The following AGAP1 variants were observed in gnomAD, a reference collection of about 807,000 sequenced individuals.
AGAP1 encodes arf-GAP with GTPase, ANK repeat and PH domain-containing protein 1.
In AGAP1, 29 loss-of-function variants were observed where a neutral mutation model predicts 105.3. That is an observed-to-expected ratio of 0.28 (90% CI 0.21 to 0.38). AGAP1 has a LOEUF of 0.38. AGAP1 is among the 10% of genes least tolerant of loss of function. The probability of loss-of-function intolerance (pLI) is 1.00; values close to 1 mark genes in which losing one functional copy is unlikely to be tolerated. For synonymous variants in AGAP1, 509 were observed against 485.9 expected, an observed-to-expected ratio of 1.05 and a Z score of -0.63; for missense variants, 998 against 1,165.1, an observed-to-expected ratio of 0.86 and a Z score of 2.09.
chr2:236,019,145 A>C (rs552968543), intron 13 of AGAP1, among the ~76,000 whole-genome samples: 1 of 152,174 alleles, frequency 6.6e-6, no homozygotes, highest in African/African-American at 2.4e-5. Context: ...TAAACAAATT[A>C]CAGGCCCACA....
In AGAP1 at chr2:235,743,748, A is replaced by G. The variant is rs561133250; in HGVS notation, c.397-950A>G. Among the ~76,000 whole-genome samples the G allele has an allele frequency of 5.3e-5, 8 of 152,344 alleles. 1 individual carries two copies. In the South Asian group the frequency reaches 1.7e-3, roughly 32 times the overall value. ...GGCCATAAAAACCTATCTAGGAACT[A>G]CAGCTTCTTTTAGGGAAAGCAGACG... On this transcript the variant is annotated intron_variant, in intron 4 of 17. Coordinates refer to ENST00000304032, the MANE Select transcript of AGAP1 (RefSeq NM_001037131.3).
In AGAP1 at chr2:236,124,364, C is replaced by CACAGG; in HGVS notation, c.*244_*248dup. On this transcript the variant is annotated 3_prime_UTR_variant, in exon 18 of 18. Coordinates refer to ENST00000304032, the MANE Select transcript of AGAP1 (RefSeq NM_001037131.3). This position sits in a 1 kb window ranked among gnomAD's most constrained non-coding sequence, Gnocchi z 5.1. ...TTTTCATAAACTCCCCTAAACCACA[C>CACAGG]ACAGGAGAGAGCGACGGGCCTCGGC... The CACAGG allele has an allele frequency of 1.7e-6, 1 of 575,500 alleles. No homozygotes were observed. The highest frequency in any genetic ancestry group is 3.1e-6 in the Non-Finnish European group (1 of 322,460). The allele number at this position is 575,500 out of a possible 1,614,324, so 35.6% of individuals were successfully genotyped here.
intron 1 of AGAP1, among the ~76,000 whole-genome samples, chr2:235,541,537 G>A (rs1473352109): frequency 6.6e-6 from 1 of 151,708 alleles, no homozygotes; most frequent in African/African-American, 2.4e-5. Flanking sequence ...ACAGGCGCCC[G>A]CCACCGTGCC....
chr2:236,052,060 C>T (rs1355023575), intron 16 of AGAP1, among the ~76,000 whole-genome samples: 1 of 152,152 alleles, frequency 6.6e-6, no homozygotes, highest in Non-Finnish European at 1.5e-5. Flanking sequence ...CCCTCCTGGT[C>T]TCTCTGCAGA....
chr2:235,925,442 C>T (rs78087228), intron 11 of AGAP1, among the ~76,000 whole-genome samples: 1 of 152,124 alleles, frequency 6.6e-6, no homozygotes. Context: ...TCCAGAGGCT[C>T]TCTTTCCTGG....
intron 9 of AGAP1, among the ~76,000 whole-genome samples, chr2:235,829,279 G>C (rs13391170): frequency 0.086 from 13,089 of 152,278 alleles, 1,818 homozygotes; most frequent in African/African-American, 0.29. Context: ...CACTGTGGCC[G>C]TTGTCAGAAT....
At position 236,058,640 on chromosome 2, in the gene AGAP1, G is replaced by A. The variant is rs568365815; in HGVS notation, c.2114+9359G>A. ...ACATTGTACTTTATGGTGAAATACTGCAGGCTTTTCCCCTAAGATCACAAA... is the reference window on the plus strand; with the variant it reads ...ACATTGTACTTTATGGTGAAATACTACAGGCTTTTCCCCTAAGATCACAAA... On this transcript the variant is annotated intron_variant, in intron 16 of 17. Coordinates refer to ENST00000304032, the MANE Select transcript of AGAP1 (RefSeq NM_001037131.3). The surrounding 1 kb of genome is among the most constrained non-coding windows in gnomAD (Gnocchi z 4.6). Among the ~76,000 whole-genome samples the A allele has an allele frequency of 1.3e-5, 2 of 152,268 alleles. No homozygotes were observed. The highest frequency in any genetic ancestry group is 4.1e-4 in the South Asian group (2 of 4,820).
chr2:235,865,515 T>C lies in AGAP1; in HGVS notation c.1051-17830T>C, dbSNP rs1329928882. Reference sequence around the variant, plus strand: ...GCAACCTGGCACAACGACAGAAATATTACTCGCCGGAAAGGGGAGGGGGTC... The same window carrying C: ...GCAACCTGGCACAACGACAGAAATACTACTCGCCGGAAAGGGGAGGGGGTC... On this transcript the variant is annotated intron_variant, in intron 9 of 17. Coordinates refer to ENST00000304032, the MANE Select transcript of AGAP1 (RefSeq NM_001037131.3). The surrounding 1 kb of genome is among the most constrained non-coding windows in gnomAD (Gnocchi z 6.2). 6.6e-6 allele frequency among the ~76,000 whole-genome samples: 1 copy of C among 152,068 alleles called. No homozygotes were observed. The highest frequency in any genetic ancestry group is 1.5e-5 in the Non-Finnish European group (1 of 68,026).
At chr2:235,815,178 G>C (rs904104773) in intron 9 of AGAP1, among the ~76,000 whole-genome samples, 1 of 152,148 alleles carries the variant, frequency 6.6e-6, no homozygotes, top group Non-Finnish European at 1.5e-5. Flanking sequence ...CCCACACAGC[G>C]CATGAGTCCC....
chr2:235,601,129 A>G lies in AGAP1; in HGVS notation c.163+106280A>G, dbSNP rs1574940278. Among the ~76,000 whole-genome samples the G allele has an allele frequency of 6.6e-6, 1 of 152,212 alleles. No homozygotes were observed. Among genetic ancestry groups the G allele is most frequent in the African/African-American group, 2.4e-5 (1 of 41,454 alleles). On this transcript the variant is annotated intron_variant, in intron 1 of 17. Coordinates refer to ENST00000304032, the MANE Select transcript of AGAP1 (RefSeq NM_001037131.3). The surrounding 1 kb of genome is among the most constrained non-coding windows in gnomAD (Gnocchi z 4.4). ...CTGTGTTAGCTTGGGCTGCCACGAC[A>G]GAGACCACAGAGTGGGTGGCTTAAC...
rs1050044295 is a variant in AGAP1, at chr2:235,958,267, G to A, written c.1484-10195G>A. Among the ~76,000 whole-genome samples the A allele has an allele frequency of 3.3e-5, 5 of 152,024 alleles. No individual in the cohort carries two copies. The South Asian group carries it at 1.0e-3, about 32-fold the overall frequency. On this transcript the variant is annotated intron_variant, in intron 12 of 17. Transcript: ENST00000304032. This position sits in a 1 kb window ranked among gnomAD's most constrained non-coding sequence, Gnocchi z 4.1. ...GAGAGTGGTTGGAGGTGTTTCTGGA[G>A]GGCCCTGTACTCCCTGAAATCCAGG...
At position 235,971,942 on chromosome 2, in the gene AGAP1, C is replaced by T. The variant is rs1232379457; in HGVS notation, c.1645+3319C>T. 6.6e-6 allele frequency among the ~76,000 whole-genome samples: 1 copy of T among 151,664 alleles called. No individual in the cohort carries two copies. The highest frequency in any genetic ancestry group is 1.5e-5 in the Non-Finnish European group (1 of 67,932). ...CACAGGCAGGCACCACGACACCTGG[C>T]TAATTTTTTGTATTTTTGTAGAAAT... is the stretch of plus-strand genomic sequence containing the variant. On this transcript the variant is annotated intron_variant, in intron 13 of 17. Coordinates refer to ENST00000304032, the MANE Select transcript of AGAP1 (RefSeq NM_001037131.3). This position sits in a 1 kb window ranked among gnomAD's most constrained non-coding sequence, Gnocchi z 4.8.
rs368520056 is a variant in AGAP1 at position 235,566,079 on chromosome 2, A to T, written c.163+71230A>T. On this transcript the variant is annotated intron_variant, in intron 1 of 17. Transcript: ENST00000304032. This position sits in a 1 kb window ranked among gnomAD's most constrained non-coding sequence, Gnocchi z 5.2. The stretch of plus-strand genomic sequence containing the variant: ...TGCTTGTGTCATCTTTCATTTGTCC[A>T]TTCCTCGATTTATTATTATTATTAT... Among the ~76,000 whole-genome samples the T allele has an allele frequency of 1.1e-3, 173 of 152,094 alleles. No homozygotes were observed. Among genetic ancestry groups the T allele is most frequent in the African/African-American group, 3.8e-3 (157 of 41,478 alleles).
chr2:236,049,314 A>G, intron 16 of AGAP1, 33 bp downstream of exon 16: 1 of 1,586,714 alleles, frequency 6.3e-7, no homozygotes, highest in Non-Finnish European at 8.6e-7. Flanking sequence ...GGCTCCCGAC[A>G]CGTTTGCCAA....
chr2:235,743,159 T>C (rs1952689112), intron 4 of AGAP1, among the ~76,000 whole-genome samples: 1 of 152,200 alleles, frequency 6.6e-6, no homozygotes, highest in Admixed American at 6.5e-5. Flanking sequence ...GGAGCGAGAC[T>C]TTGTCTCAAA....
At chr2:235,509,377 G>A (rs1014317348) in intron 1 of AGAP1, among the ~76,000 whole-genome samples, 1 of 152,042 alleles carries the variant, frequency 6.6e-6, no homozygotes, top group Non-Finnish European at 1.5e-5. Flanking sequence ...TGGGATTACA[G>A]ACATCCACAA....
intron 15 of AGAP1, among the ~76,000 whole-genome samples, chr2:236,043,736 A>AG (rs1553554890): frequency 7.2e-6 from 1 of 138,686 alleles, no homozygotes; most frequent in East Asian, 2.7e-4. Context: ...AAAAAAAAAA[A>AG]GTGGGGGGGG....
intron 1 of AGAP1, among the ~76,000 whole-genome samples, chr2:235,706,619 T>C (rs1950551075): frequency 6.6e-6 from 1 of 152,240 alleles, no homozygotes; most frequent in Admixed American, 6.5e-5. Flanking sequence ...CTGTCATCAC[T>C]TGATAGTAGC....
intron 9 of AGAP1, among the ~76,000 whole-genome samples, chr2:235,816,218 G>A (rs1039366365): frequency 4.6e-5 from 7 of 150,928 alleles, no homozygotes; most frequent in Non-Finnish European, 8.9e-5. Flanking sequence ...TGGGTGGATC[G>A]CGAGGTCAGG....
Sources: allele counts gnomAD v4.1 joint callset (sites outside exome capture counted in the v4.1 genomes callset), GRCh38; gene constraint gnomAD v4.1.1; non-coding constraint Gnocchi (gnomAD v3.1); transcripts MANE v1.5; gene names NCBI Gene and HGNC (gene_info 2026-07-23, HGNC 2026-07-21).